Variants in OLR1 observed in about 807,000 individuals in gnomAD.
The protein encoded by OLR1 is oxidized low density lipoprotein receptor 1.
Under a neutral mutation model 31.7 loss-of-function variants are expected in OLR1, and 23 were observed. The ratio of observed to expected loss-of-function variants is 0.72; its 90% CI spans 0.52 to 1.03. The LOEUF is 1.03. Among genes scored for constraint, OLR1 ranks in the 50% least tolerant of loss-of-function variants. The probability of loss-of-function intolerance (pLI) is 0.00; values close to 1 mark genes in which losing one functional copy is unlikely to be tolerated. For missense variants in OLR1, 286 were observed against 315.7 expected, an observed-to-expected ratio of 0.91 and a Z score of 0.71; for synonymous variants, 117 against 115.8, an observed-to-expected ratio of 1.01 and a Z score of -0.07.
chr12:10,163,724 G>A (rs189469801), intron 3 of OLR1, among the ~76,000 whole-genome samples: 280 of 151,940 alleles, frequency 1.8e-3, no homozygotes, highest in Middle Eastern at 3.4e-3. Context: ...CGAGATCAGG[G>A]GTTCGAGACC....
chr12:10,161,671 G>T (rs1171140850), intron 3 of OLR1, among the ~76,000 whole-genome samples: 1 of 152,034 alleles, frequency 6.6e-6, no homozygotes, highest in Non-Finnish European at 1.5e-5. Flanking sequence ...GCCTCCCAAA[G>T]TGCTGGAGTT....
chr12:10,165,594 A>G (rs970043466), intron 3 of OLR1, among the ~76,000 whole-genome samples: 9 of 151,922 alleles, frequency 5.9e-5, no homozygotes, highest in Non-Finnish European at 1.3e-4. Context: ...AGAGATAAGG[A>G]TCTATGGAAT....
chr12:10,163,444 G>C (rs1948635775), intron 3 of OLR1, among the ~76,000 whole-genome samples: 1 of 151,766 alleles, frequency 6.6e-6, no homozygotes, highest in African/African-American at 2.4e-5. Context: ...TCCTGCAAAG[G>C]CCCTGCATCT....
chr12:10,158,423 T>C lies in OLR1; in HGVS notation c.*1457A>G, dbSNP rs1426924642. 6.6e-6 allele frequency: 1 copy of C among 152,124 alleles called. No individual in the cohort carries two copies. Among genetic ancestry groups the C allele is most frequent in the Non-Finnish European group, 1.5e-5 (1 of 68,014 alleles). The allele number at this position is 152,124 out of a possible 1,614,324, so 9.4% of individuals were successfully genotyped here. On this transcript the variant is annotated 3_prime_UTR_variant, in exon 6 of 6. Transcript: ENST00000309539. ...TATCCATACAAGGGAATATTCAACA[T>C]TTAAAAGAATGAATTCATACGAGCA...
chr12:10,167,555 G>T (rs1043568305), intron 2 of OLR1: 2 of 151,976 alleles, frequency 1.3e-5, no homozygotes, highest in Non-Finnish European at 2.9e-5. Context: ...ATAAAATAAG[G>T]AAAACCTGAA....
intron 2 of OLR1, among the ~76,000 whole-genome samples, chr12:10,168,307 T>C (rs1278321745): frequency 6.6e-6 from 1 of 152,204 alleles, no homozygotes; most frequent in African/African-American, 2.4e-5. Context: ...TTTTATTTAT[T>C]AAGATTGTGT....
intron 3 of OLR1, among the ~76,000 whole-genome samples, chr12:10,163,023 A>G (rs1948632876): frequency 1.8e-5 from 2 of 111,718 alleles, no homozygotes; most frequent in African/African-American, 5.2e-5. Flanking sequence ...GTTAAATTAT[A>G]TAACAATACA....
chr12:10,163,939 A>G (rs1274583233), intron 3 of OLR1, among the ~76,000 whole-genome samples: 1 of 152,238 alleles, frequency 6.6e-6, no homozygotes, highest in African/African-American at 2.4e-5. Flanking sequence ...TCAAAAAAAA[A>G]AAAATGCTCT....
At chr12:10,171,044 A>G (rs889877624) in intron 1 of OLR1, among the ~76,000 whole-genome samples, 11 of 152,184 alleles carry the variant, frequency 7.2e-5, no homozygotes, top group African/African-American at 2.7e-4. Context: ...CAGACCCTCA[A>G]TATTTACTAC....
Position 10,160,773 on chromosome 12 carries a change from C to T in OLR1, c.564+13G>A. On this transcript the variant is annotated intron_variant, in intron 4 of 5. Coordinates refer to ENST00000309539, the MANE Select transcript of OLR1 (RefSeq NM_002543.4). ...CCAATACTCCACCCCAACAAATATC[C>T]ATGAACACTCACCAGATCAGCTGTG... 5 of 1,612,764 alleles carry T rather than the reference C, an allele frequency of 3.1e-6. No individual in the cohort carries two copies. The highest frequency in any genetic ancestry group is 4.2e-6 in the Non-Finnish European group (5 of 1,178,868).
rs1948606016 is a variant in OLR1, at chr12:10,159,959, C to G, written c.743G>C (p.Arg248Pro). 6.2e-7 allele frequency: 1 copy of G among 1,613,832 alleles called. No individual in the cohort carries two copies. The change falls in exon 6 of 6, where the codon CGA becomes CCA. Residue 248 changes from arginine (R) to proline (P), a missense_variant. By Grantham distance (103) the Arg-to-Pro change is moderately radical. Transcript: ENST00000309539. ...GCAGTTTTCCGCATAAACAGCTCCT[C>G]GTTGTATATATGCACAGGTACCTGA... ...YPSGTCAYIQRGAVYAENCIL... is the reference protein window; with the variant it reads ...YPSGTCAYIQPGAVYAENCIL...
intron 2 of OLR1, 149 bp from the exon 3 acceptor site, chr12:10,167,106 T>G: frequency 1.5e-6 from 1 of 689,654 alleles, no homozygotes; most frequent in South Asian, 2.0e-5. Context: ...AGTTACAGAT[T>G]TGGAGGTTCT....
rs1159390688 is a variant in OLR1 at position 10,158,772 on chromosome 12, C to G, written c.*1108G>C. On this transcript the variant is annotated 3_prime_UTR_variant, in exon 6 of 6. Transcript: ENST00000309539. ...TTTTAACAAAAGCAAACATCTCTTGCCTACATAAGGATGACACAGCTCTTA... is the reference window on the plus strand; with the variant it reads ...TTTTAACAAAAGCAAACATCTCTTGGCTACATAAGGATGACACAGCTCTTA... The G allele has an allele frequency of 6.6e-6, 1 of 150,380 alleles. No individual in the cohort carries two copies. The highest frequency in any genetic ancestry group is 2.4e-5 in the African/African-American group (1 of 41,084). 9.3% of individuals were successfully genotyped at this position (150,380 alleles called of 1,614,324 possible).
At chr12:10,171,942 T>A in intron 1 of OLR1, 60 bp downstream of exon 1, 1 of 1,286,072 alleles carries the variant, frequency 7.8e-7, no homozygotes, top group African/African-American at 1.5e-5. Context: ...TTCGGTGAAT[T>A]TACATTTTGG....
chr12:10,159,974 C>T lies in OLR1; in HGVS notation c.728G>A (p.Cys243Tyr). 1 of 1,614,030 alleles carries T rather than the reference C, an allele frequency of 6.2e-7. No individual in the cohort carries two copies. The highest frequency in any genetic ancestry group is 8.5e-7 in the Non-Finnish European group (1 of 1,179,944). The change falls in exon 6 of 6, where the codon TGT becomes TAT. Residue 243 changes from cysteine (C) to tyrosine (Y), a missense_variant. Coordinates refer to ENST00000309539, the MANE Select transcript of OLR1 (RefSeq NM_002543.4). ...AVSQTYPSGT[C>Y]AYIQRGAVYA... ...AACAGCTCCTCGTTGTATATATGCA[C>T]AGGTACCTGAAGGGTATGTCTGGGA...
At chr12:10,168,912 C>T (rs35830520) in intron 2 of OLR1, among the ~76,000 whole-genome samples, 162 bp downstream of exon 2, 1 of 152,134 alleles carries the variant, frequency 6.6e-6, no homozygotes, top group Non-Finnish European at 1.5e-5. Flanking sequence ...GAACAATATA[C>T]CCCTTTATTT....
rs903041277 is a variant in OLR1, at chr12:10,170,067, G to A, written c.77-892C>T. On this transcript the variant is annotated intron_variant, in intron 1 of 5. Transcript: ENST00000309539. ...GCAAATAAGGAGACTGAAAGGTTTA[G>A]TGACTTGCTTAAGATCACACAGATG... Among the ~76,000 whole-genome samples, 17 of 152,230 alleles carry A rather than the reference G, an allele frequency of 1.1e-4. 1 individual carries two copies. The highest frequency in any genetic ancestry group is 6.5e-5 in the Admixed American group (1 of 15,276).
upstream of OLR1, among the ~76,000 whole-genome samples, chr12:10,174,048 T>TTTTA (rs1948747618): frequency 6.6e-6 from 1 of 150,402 alleles, no homozygotes; most frequent in African/African-American, 2.5e-5. Flanking sequence ...ATTTCATGTG[T>TTTTA]TTTGTTTGTT....
chr12:10,171,881 G>A (rs577801146), intron 1 of OLR1, 121 bp downstream of exon 1: 3 of 660,570 alleles, frequency 4.5e-6, no homozygotes, highest in Admixed American at 2.8e-5. Flanking sequence ...TAAGTAAATG[G>A]TATTAATTCT....
Sources: gnomAD v4.1 joint callset for allele counts (sites outside exome capture counted in the v4.1 genomes callset) on GRCh38, gnomAD v4.1.1 for gene constraint, MANE v1.5 for transcripts, NCBI Gene and HGNC (gene_info 2026-07-23, HGNC 2026-07-21) for gene names.